The following PLXNB1 variants were observed in gnomAD, a reference collection of about 807,000 sequenced individuals.
The protein encoded by PLXNB1 is plexin B1.
PLXNB1 carries 106 observed loss-of-function variants against 209.4 expected under a neutral mutation model. The observed-to-expected ratio is 0.51, with a 90% CI of 0.43 to 0.59. The LOEUF (loss-of-function observed/expected upper bound fraction) is 0.59, where lower values mean the gene tolerates loss of function less well. PLXNB1 is among the 20% of genes least tolerant of loss of function. PLXNB1 has a pLI of 0.00. For synonymous variants in PLXNB1, 1,167 were observed against 1,183.2 expected (o/e 0.99, Z 0.28); for missense variants, 2,357 against 2,853.2 (o/e 0.83, Z 3.96).
At chr3:48,421,478 A>C in intron 7 of PLXNB1, 94 bp from the exon 8 acceptor site, 1 of 1,378,524 alleles carries the variant, frequency 7.3e-7, no homozygotes, top group Non-Finnish European at 9.9e-7. Context: ...GGCACCAGCA[A>C]TCAACAGCCC....
chr3:48,424,757 T>C (rs988261601), intron 2 of PLXNB1, 140 bp from the exon 3 acceptor site: 1 of 828,496 alleles, frequency 1.2e-6, no homozygotes, highest in Non-Finnish European at 1.8e-6. Context: ...CCAGGCTTCT[T>C]AGATAGGCAC....
Position 48,413,100 on chromosome 3 carries a change from A to G in PLXNB1, c.4605T>C (p.Ser1535=). 3 of 1,613,860 alleles carry G rather than the reference A, an allele frequency of 1.9e-6. No individual in the cohort carries two copies. Among genetic ancestry groups the G allele is most frequent in the Non-Finnish European group, 2.5e-6 (3 of 1,179,880 alleles). ...VQIQLENLES[S]VRDRCKKEFT... is the part of the protein sequence containing the mutation. Reference sequence around the variant, plus strand: ...ATTCCTTCTTGCAGCGGTCCCGCACACTGCTCTCCAGATTCTCCAGCTGGA... The same window carrying G: ...ATTCCTTCTTGCAGCGGTCCCGCACGCTGCTCTCCAGATTCTCCAGCTGGA... The change falls in exon 24 of 38, where the codon AGT becomes AGC. Residue 1535 remains serine (S), a synonymous_variant. Coordinates refer to ENST00000296440, the MANE Select transcript of PLXNB1 (RefSeq NM_001130082.3). This position sits in a 1 kb window ranked among gnomAD's most constrained non-coding sequence, Gnocchi z 5.4.
rs768145725 is a variant in PLXNB1, at chr3:48,410,859, C to T, written c.5416+9G>A. 1.2e-5 allele frequency: 19 copies of T among 1,604,744 alleles called. No homozygotes were observed. Among genetic ancestry groups the T allele is most frequent in the African/African-American group, 5.4e-5 (4 of 74,758 alleles). On this transcript the variant is annotated intron_variant, in intron 29 of 37. Coordinates refer to ENST00000296440, the MANE Select transcript of PLXNB1 (RefSeq NM_001130082.3). This position sits in a 1 kb window ranked among gnomAD's most constrained non-coding sequence, Gnocchi z 6.4. Reference sequence around the variant, plus strand: ...GGCTCAGGTCCCCAGGGGCTCTCCACGCCCTCACCAACATCAAGGGTGCGA... The same window carrying T: ...GGCTCAGGTCCCCAGGGGCTCTCCATGCCCTCACCAACATCAAGGGTGCGA...
At chr3:48,404,650 A>G (rs183360815) in intron 37 of PLXNB1, 60 bp from the exon 38 acceptor site, 100 of 1,142,206 alleles carry the variant, frequency 8.8e-5, no homozygotes, top group Non-Finnish European at 1.2e-4. Context: ...TTGCTGCAAA[A>G]TTCAACAGCC....
chr3:48,414,193 T>G, intron 21 of PLXNB1, 122 bp from the exon 22 acceptor site: 1 of 866,754 alleles, frequency 1.2e-6, no homozygotes, highest in Non-Finnish European at 1.9e-6. Flanking sequence ...CTCAGCACCC[T>G]TCCCGAGTGC....
rs1429915303 is a variant in PLXNB1, at chr3:48,404,118, T to G, written c.*368A>C. ...GAGGCAGACAGGAAGCATGGGGCTC[T>G]CCTCCTTCCTCTCCGAATCCCAGTG... On this transcript the variant is annotated 3_prime_UTR_variant, in exon 38 of 38. Transcript: ENST00000296440. 5.0e-6 allele frequency: 1 copy of G among 200,436 alleles called. No individual in the cohort carries two copies. The highest frequency in any genetic ancestry group is 1.2e-4 in the East Asian group (1 of 8,040). 12.4% of individuals were successfully genotyped at this position (200,436 alleles called of 1,614,324 possible). A position where few individuals can be genotyped will look rare whatever the true frequency, so the allele number is the denominator to read the frequency against.
At position 48,419,433 on chromosome 3, in the gene PLXNB1, A is replaced by G; in HGVS notation, c.2710-67T>C. On this transcript the variant is annotated intron_variant, in intron 11 of 37. Transcript: ENST00000296440. This position sits in a 1 kb window ranked among gnomAD's most constrained non-coding sequence, Gnocchi z 5.7. The stretch of plus-strand genomic sequence containing the variant: ...GCCCAGCTCAGCCCTCTGCCTTGCC[A>G]GATTCCAGAGGCAAGGCCGGTGTGG... 2 of 1,512,960 alleles carry G rather than the reference A, an allele frequency of 1.3e-6. No individual in the cohort carries two copies. The highest frequency in any genetic ancestry group is 1.8e-6 in the Non-Finnish European group (2 of 1,127,308). The allele number at this position is 1,512,960 out of a possible 1,614,324, so 93.7% of individuals were successfully genotyped here. A position where few individuals can be genotyped will look rare whatever the true frequency, so the allele number is the denominator to read the frequency against.
Position 48,415,101 on chromosome 3 carries a change from G to A in PLXNB1, c.3967-60C>T. The A allele has an allele frequency of 6.2e-7, 1 of 1,607,048 alleles. No homozygotes were observed. The highest frequency in any genetic ancestry group is 8.5e-7 in the Non-Finnish European group (1 of 1,175,132). On this transcript the variant is annotated intron_variant, in intron 20 of 37. Coordinates refer to ENST00000296440, the MANE Select transcript of PLXNB1 (RefSeq NM_001130082.3). This position sits in a 1 kb window ranked among gnomAD's most constrained non-coding sequence, Gnocchi z 5.0. ...AGCAAAGATGGGAAGAGCCTCCTCT[G>A]GCACCTGCTCTGGCTGTCCCCAGGG...
Position 48,418,270 on chromosome 3 carries a change from C to T in PLXNB1, c.3143G>A (p.Arg1048His), listed in dbSNP as rs561091722. 36 of 1,613,616 alleles carry T rather than the reference C, an allele frequency of 2.2e-5. No homozygotes were observed. Among genetic ancestry groups the T allele is most frequent in the South Asian group, 4.4e-5 (4 of 91,086 alleles). Residue 1048 changes from arginine (R) to histidine (H), a missense_variant, in exon 15 of 38, where the codon CGT becomes CAT. Arg to His is a conservative substitution (Grantham distance 29). This residue lies in a region of PLXNB1 where 743 missense variants were observed against 896.2 expected (regional missense o/e 0.83). Transcript: ENST00000296440. This position sits in a 1 kb window ranked among gnomAD's most constrained non-coding sequence, Gnocchi z 6.6. ...GGCCTCCCGGGTCACACAACGTGGA[C>T]GCTCCCCCTCACACCACACACAGCC... ...QYGCVWCEGE[R>H]PRCVTREACG...
chr3:48,421,608 G>A (rs1441382311), intron 7 of PLXNB1, 66 bp downstream of exon 7: 1 of 1,475,236 alleles, frequency 6.8e-7, no homozygotes, highest in South Asian at 1.3e-5. Context: ...CAGGATCCAA[G>A]ATCTCTACCC....
rs1199343977 is a variant in PLXNB1 at position 48,423,618 on chromosome 3, G to A, written c.994C>T (p.Leu332Phe). The change falls in exon 3 of 38, where the codon CTT (leucine) becomes TTT (phenylalanine). Residue 332 changes from leucine (L) to phenylalanine (F), a missense_variant. Leu to Phe is a conservative substitution (Grantham distance 22). Transcript: ENST00000296440. ...CAFPLDEVDR[L>F]ANRTRDACYT... is the part of the protein sequence containing the mutation. Reference sequence around the variant, plus strand: ...CAGGCATCTCGCGTGCGATTAGCAAGCCGGTCCACCTCATCCAGGGGGAAG... The same window carrying A: ...CAGGCATCTCGCGTGCGATTAGCAAACCGGTCCACCTCATCCAGGGGGAAG... The A allele has an allele frequency of 6.2e-7, 1 of 1,614,240 alleles. No individual in the cohort carries two copies. The highest frequency in any genetic ancestry group is 1.7e-5 in the Admixed American group (1 of 60,026).
Position 48,418,852 on chromosome 3 carries a change from A to T in PLXNB1, c.2955+65T>A. 1 of 1,597,000 alleles carries T rather than the reference A, an allele frequency of 6.3e-7. No individual in the cohort carries two copies. Among genetic ancestry groups the T allele is most frequent in the South Asian group, 1.1e-5 (1 of 90,074 alleles). ...TGGAAAGTGTGGTGCAGCCAGCTAC[A>T]GTTGGCAGCCAGCCTGTGGCCAGTG... On this transcript the variant is annotated intron_variant, in intron 13 of 37. Coordinates refer to ENST00000296440, the MANE Select transcript of PLXNB1 (RefSeq NM_001130082.3). This position sits in a 1 kb window ranked among gnomAD's most constrained non-coding sequence, Gnocchi z 6.6.
chr3:48,412,659 G>T, intron 25 of PLXNB1, 39 bp from the exon 26 acceptor site: 1 of 1,608,298 alleles, frequency 6.2e-7, no homozygotes, highest in Non-Finnish European at 8.5e-7. Flanking sequence ...GGGGTTTAGG[G>T]GGACAGAGGG....
At position 48,411,454 on chromosome 3, in the gene PLXNB1, G is replaced by A. The variant is rs1011453887; in HGVS notation, c.5247+409C>T. 4.6e-5 allele frequency among the ~76,000 whole-genome samples: 7 copies of A among 152,186 alleles called. No homozygotes were observed. Among genetic ancestry groups the A allele is most frequent in the South Asian group, 2.1e-4 (1 of 4,834 alleles). ...GGGTTTCCCACAGGAACCCTTGTGC[G>A]TAACTAAGGGGAAAGCAAACCCAGA... On this transcript the variant is annotated intron_variant, in intron 28 of 37. Coordinates refer to ENST00000296440, the MANE Select transcript of PLXNB1 (RefSeq NM_001130082.3). This position sits in a 1 kb window ranked among gnomAD's most constrained non-coding sequence, Gnocchi z 4.0.
chr3:48,410,687 CAAG>C lies in PLXNB1; in HGVS notation c.5417-132_5417-130del. 6 of 962,722 alleles carry C rather than the reference CAAG, an allele frequency of 6.2e-6. No homozygotes were observed. The highest frequency in any genetic ancestry group is 9.5e-6 in the Non-Finnish European group (6 of 634,642). The allele number at this position is 962,722 out of a possible 1,614,324, so 59.6% of individuals were successfully genotyped here. Reference sequence around the variant, plus strand: ...AGCCTTACTCAACCTCTCCAAAGACCAAGAGCAGGGACCCCCTCCCCAGATGAG... The same window carrying C: ...AGCCTTACTCAACCTCTCCAAAGACCAGCAGGGACCCCCTCCCCAGATGAG... On this transcript the variant is annotated intron_variant, in intron 29 of 37. Transcript: ENST00000296440. The surrounding 1 kb of genome is among the most constrained non-coding windows in gnomAD (Gnocchi z 6.4).
Position 48,417,463 on chromosome 3 carries a change from G to A in PLXNB1, c.3374+448C>T, listed in dbSNP as rs779143343. Among the ~76,000 whole-genome samples the A allele has an allele frequency of 1.2e-4, 19 of 152,322 alleles. No individual in the cohort carries two copies. The highest frequency in any genetic ancestry group is 3.4e-3 in the Middle Eastern group (1 of 294). ...GAGACGACAGTGGAGCCTGGCCCTC[G>A]GCCAGTGTGCCTTTCTGAGGTGTGC... On this transcript the variant is annotated intron_variant, in intron 16 of 37. Transcript: ENST00000296440. This position sits in a 1 kb window ranked among gnomAD's most constrained non-coding sequence, Gnocchi z 4.4.
chr3:48,408,117 CCTCCCA>C (rs747512340), intron 34 of PLXNB1, among the ~76,000 whole-genome samples: 3 of 152,140 alleles, frequency 2.0e-5, no homozygotes, highest in Non-Finnish European at 4.4e-5. Context: ...CTCAAGCCAT[CCTCCCA>C]CCTCAGCCTC....
At position 48,404,208 on chromosome 3, in the gene PLXNB1, T is replaced by C. The variant is rs1314354319; in HGVS notation, c.*278A>G. On this transcript the variant is annotated 3_prime_UTR_variant, in exon 38 of 38. Coordinates refer to ENST00000296440, the MANE Select transcript of PLXNB1 (RefSeq NM_001130082.3). ...GGGGCCTGGAGTCTCTTCCAGCCAC[T>C]CTCTGGAAGCCCTTAGTCCCCAACT... The C allele has an allele frequency of 2.3e-6, 1 of 432,282 alleles. No individual in the cohort carries two copies. The highest frequency in any genetic ancestry group is 4.1e-6 in the Non-Finnish European group (1 of 241,656). The allele number at this position is 432,282 out of a possible 1,614,324, so 26.8% of individuals were successfully genotyped here.
chr3:48,412,174 G>C (rs1181776763), intron 27 of PLXNB1, 64 bp downstream of exon 27: 2 of 1,558,440 alleles, frequency 1.3e-6, no homozygotes, highest in Non-Finnish European at 1.8e-6. Context: ...GTGGCTGAGG[G>C]CTTAGAAGTT....
Sources: allele counts gnomAD v4.1 joint callset (sites outside exome capture counted in the v4.1 genomes callset), GRCh38; gene constraint gnomAD v4.1.1; regional missense constraint gnomAD v4.1.1; non-coding constraint Gnocchi (gnomAD v3.1); transcripts MANE v1.5; gene names NCBI Gene and HGNC (gene_info 2026-07-23, HGNC 2026-07-21).